Variants in EIPR1 observed in about 807,000 individuals in gnomAD.
The protein encoded by EIPR1 is EARP complex and GARP complex interacting protein 1.
In EIPR1, 25 loss-of-function variants were observed where a neutral mutation model predicts 48.1. The ratio of observed to expected loss-of-function variants is 0.52; its 90% CI spans 0.38 to 0.73. The LOEUF (loss-of-function observed/expected upper bound fraction) is 0.73. EIPR1 is among the 30% of genes least tolerant of loss of function. EIPR1 has a pLI of 0.00. For missense variants in EIPR1, 415 were observed against 506.2 expected (o/e 0.82, Z 1.73); for synonymous variants, 204 against 201.9 (o/e 1.01, Z -0.09).
At chr2:3,234,959 G>T (rs756028675) in intron 4 of EIPR1, among the ~76,000 whole-genome samples, 84 of 152,232 alleles carry the variant, frequency 5.5e-4, no homozygotes, top group Non-Finnish European at 9.7e-4. Context: ...TTTCCTTGCT[G>T]GGATAGGAAC....
chr2:3,291,904 G>A (rs946782694), intron 3 of EIPR1, among the ~76,000 whole-genome samples: 7 of 152,264 alleles, frequency 4.6e-5, no homozygotes, highest in Non-Finnish European at 1.0e-4. Flanking sequence ...AGGTGGCACA[G>A]CTGGATGCTG....
chr2:3,318,565 G>A (rs1346654590), intron 3 of EIPR1, among the ~76,000 whole-genome samples: 2 of 152,076 alleles, frequency 1.3e-5, no homozygotes, highest in East Asian at 1.9e-4. Context: ...AGTCGGCCTC[G>A]AAAAAATGGC....
intron 2 of EIPR1, 120 bp downstream of exon 2, chr2:3,354,430 T>A: frequency 1.2e-6 from 1 of 837,606 alleles, no homozygotes; most frequent in Non-Finnish European, 1.9e-6. Flanking sequence ...CAAATGAAAG[T>A]TTTATTTTGT....
At chr2:3,195,337 C>T (rs1261000401) in intron 6 of EIPR1, among the ~76,000 whole-genome samples, 3 of 152,234 alleles carry the variant, frequency 2.0e-5, no homozygotes, top group Non-Finnish European at 4.4e-5. Context: ...TCACCGCAGG[C>T]CTCAATGGGG....
At chr2:3,318,325 C>A (rs1210550970) in intron 3 of EIPR1, among the ~76,000 whole-genome samples, 2 of 152,196 alleles carry the variant, frequency 1.3e-5, no homozygotes, top group African/African-American at 4.8e-5. Flanking sequence ...ATAAACAAAG[C>A]ACCCGGCAAA....
chr2:3,325,054 T>C (rs1669652934), intron 3 of EIPR1, among the ~76,000 whole-genome samples: 1 of 152,220 alleles, frequency 6.6e-6, no homozygotes, highest in African/African-American at 2.4e-5. Flanking sequence ...TTCTGTCTTT[T>C]ATCATAAGCA....
intron 3 of EIPR1, among the ~76,000 whole-genome samples, chr2:3,290,216 T>C (rs1260783438): frequency 6.6e-6 from 1 of 152,168 alleles, no homozygotes; most frequent in African/African-American, 2.4e-5. Flanking sequence ...CTCACCCGGA[T>C]GCAGCCCCCA....
At chr2:3,196,497 C>T (rs149141196) in intron 6 of EIPR1, among the ~76,000 whole-genome samples, 8 of 152,272 alleles carry the variant, frequency 5.3e-5, no homozygotes, top group African/African-American at 7.2e-5. Flanking sequence ...TGGTCAAGGA[C>T]GACCCCAGGA....
At chr2:3,235,924 T>C (rs4854146) in intron 4 of EIPR1, among the ~76,000 whole-genome samples, 139,190 of 152,236 alleles carry the variant, frequency 0.91, 64,122 homozygotes, top group East Asian at 0.98. Context: ...TTACGACAGC[T>C]CTCCCTCCCA....
chr2:3,317,379 G>A (rs965099423), intron 3 of EIPR1, among the ~76,000 whole-genome samples: 2 of 151,682 alleles, frequency 1.3e-5, no homozygotes, highest in Admixed American at 6.6e-5. Context: ...ACAAGGTGCT[G>A]ACCGAGCTGA....
chr2:3,235,684 C>T (rs907365178), intron 4 of EIPR1, among the ~76,000 whole-genome samples: 2 of 152,354 alleles, frequency 1.3e-5, no homozygotes, highest in African/African-American at 4.8e-5. Flanking sequence ...AGATTCCACA[C>T]ATTTATTATA....
Position 3,338,105 on chromosome 2 carries a change from T to C in EIPR1, c.171A>G (p.Lys57=), listed in dbSNP as rs1481573352. ...CACCCGCTTGATGGAGGAGGACATT[T>C]TTATTTATAATGTTGTTTTCATCGT... The part of the protein sequence containing the change: ...DFDDENNIIN[K]NVLLHQAGEI... Residue 57 remains lysine, a synonymous_variant, in exon 3 of 9, where the codon AAA becomes AAG. Transcript: ENST00000382125. The C allele has an allele frequency of 6.2e-7, 1 of 1,613,006 alleles. No individual in the cohort carries two copies. The highest frequency in any genetic ancestry group is 1.7e-5 in the Admixed American group (1 of 59,632).
At chr2:3,302,065 G>A (rs1367237342) in intron 3 of EIPR1, among the ~76,000 whole-genome samples, 1 of 152,204 alleles carries the variant, frequency 6.6e-6, no homozygotes, top group Non-Finnish European at 1.5e-5. Context: ...CACGCCAGCA[G>A]TGGGAAAATC....
intron 1 of EIPR1, among the ~76,000 whole-genome samples, chr2:3,361,792 G>T (rs112370924): frequency 7.4e-6 from 1 of 134,966 alleles, no homozygotes; most frequent in Admixed American, 7.3e-5. Flanking sequence ...ATCTGACCCT[G>T]CCCAAGCCCT....
intron 7 of EIPR1, among the ~76,000 whole-genome samples, chr2:3,193,643 G>A (rs1664689677): frequency 6.6e-6 from 1 of 152,182 alleles, no homozygotes; most frequent in Non-Finnish European, 1.5e-5. Context: ...CCACTGCACG[G>A]ATGTCACCTA....
chr2:3,273,318 A>G (rs1226207874), intron 3 of EIPR1, among the ~76,000 whole-genome samples: 1 of 152,194 alleles, frequency 6.6e-6, no homozygotes, highest in Admixed American at 6.5e-5. Context: ...ATGATAAACC[A>G]CGGTTAGCTA....
intron 4 of EIPR1, among the ~76,000 whole-genome samples, chr2:3,245,443 C>G (rs1427737433): frequency 6.6e-6 from 1 of 152,198 alleles, no homozygotes; most frequent in Non-Finnish European, 1.5e-5. Context: ...AAACTCCTAA[C>G]CTCAGGTGAT....
chr2:3,326,397 T>C (rs1011729883), intron 3 of EIPR1, among the ~76,000 whole-genome samples: 2 of 152,096 alleles, frequency 1.3e-5, no homozygotes, highest in Non-Finnish European at 1.5e-5. Context: ...TGGTGCCCTC[T>C]CCACTGCCCG....
intron 3 of EIPR1, among the ~76,000 whole-genome samples, chr2:3,290,503 G>A (rs962121071): frequency 1.3e-5 from 2 of 152,162 alleles, no homozygotes; most frequent in African/African-American, 4.8e-5. Flanking sequence ...AAGAAGTGGT[G>A]GCAGCAATCA....
Sources: allele counts gnomAD v4.1 joint callset (sites outside exome capture counted in the v4.1 genomes callset), GRCh38; gene constraint gnomAD v4.1.1; transcripts MANE v1.5; gene names NCBI Gene and HGNC (gene_info 2026-07-23, HGNC 2026-07-21).